LOC128706666: variants seen among roughly 807,000 people sequenced by gnomAD.
At chr20:10,426,003 G>C in the LOC128706666 span, among the ~76,000 whole-genome samples, 1 of 152,152 alleles carries the variant, frequency 6.6e-6, no homozygotes, top group South Asian at 2.1e-4. Context: ...CTTTTGTTAA[G>C]TTTAGAAAAA....
the LOC128706666 span, among the ~76,000 whole-genome samples, chr20:10,425,648 A>G: frequency 1.1e-4 from 16 of 152,230 alleles, no homozygotes; most frequent in African/African-American, 3.9e-4. Flanking sequence ...ACTGTCTTGT[A>G]GAGATTCTGA....
At chr20:10,426,614 G>A in the LOC128706666 span, among the ~76,000 whole-genome samples, 1 of 152,176 alleles carries the variant, frequency 6.6e-6, no homozygotes, top group Non-Finnish European at 1.5e-5. Flanking sequence ...GCCCAGGCTG[G>A]TCTCAACTCC....
the LOC128706666 span, among the ~76,000 whole-genome samples, chr20:10,428,628 C>T: frequency 2.0e-5 from 3 of 152,124 alleles, no homozygotes. Context: ...CACTTGAGGT[C>T]AGGATTTTGA....
chr20:10,423,003 GC>G, the LOC128706666 span, among the ~76,000 whole-genome samples: 1 of 151,954 alleles, frequency 6.6e-6, no homozygotes, highest in African/African-American at 2.4e-5. Flanking sequence ...GAGCCACTGC[GC>G]CCGGCCCTTC....
At chr20:10,421,689 C>T in the LOC128706666 span, among the ~76,000 whole-genome samples, 5 of 152,140 alleles carry the variant, frequency 3.3e-5, no homozygotes, top group Non-Finnish European at 7.4e-5. Context: ...CACTAGAAAA[C>T]CCTAACTTAC....
At chr20:10,427,516 T>G in the LOC128706666 span, among the ~76,000 whole-genome samples, 1 of 152,230 alleles carries the variant, frequency 6.6e-6, no homozygotes, top group East Asian at 1.9e-4. Context: ...AATGACAATG[T>G]TGGCTTTAGG....
At chr20:10,414,063 A>C in the LOC128706666 span, 1 of 372,512 alleles carries the variant, frequency 2.7e-6, no homozygotes, top group African/African-American at 2.1e-5. Context: ...AAACGTCCAG[A>C]AAATGAGAAA....
chr20:10,419,608 A>G, the LOC128706666 span, among the ~76,000 whole-genome samples: 1 of 152,152 alleles, frequency 6.6e-6, no homozygotes, highest in African/African-American at 2.4e-5. Flanking sequence ...ATAAAGTTCA[A>G]TTTATAAATT....
chr20:10,423,973 T>C, the LOC128706666 span, among the ~76,000 whole-genome samples: 1 of 149,794 alleles, frequency 6.7e-6, no homozygotes, highest in South Asian at 2.2e-4. Context: ...ATATCTCATA[T>C]ATTGATTTGG....
the LOC128706666 span, among the ~76,000 whole-genome samples, chr20:10,430,191 G>C: frequency 6.6e-6 from 1 of 152,176 alleles, no homozygotes; most frequent in Non-Finnish European, 1.5e-5. Flanking sequence ...TTTTCAGAAA[G>C]TCAAGCACTT....
chr20:10,415,853 G>C, the LOC128706666 span, among the ~76,000 whole-genome samples: 2 of 152,116 alleles, frequency 1.3e-5, no homozygotes, highest in Admixed American at 1.3e-4. Flanking sequence ...CTTTTGGCTA[G>C]TATTTCATTA....
the LOC128706666 span, among the ~76,000 whole-genome samples, chr20:10,416,323 G>C: frequency 6.6e-6 from 1 of 151,662 alleles, no homozygotes; most frequent in Admixed American, 6.6e-5. Flanking sequence ...ATGATTATAG[G>C]TATGAGGTAA....
the LOC128706666 span, chr20:10,420,793 C>T: frequency 6.6e-6 from 1 of 152,348 alleles, no homozygotes; most frequent in East Asian, 1.9e-4. Context: ...AAAAAAACCA[C>T]TAAAACCCAT....
At chr20:10,415,424 T>A in the LOC128706666 span, among the ~76,000 whole-genome samples, 34 of 152,326 alleles carry the variant, frequency 2.2e-4, no homozygotes, top group African/African-American at 7.5e-4. Flanking sequence ...TTGGTTACCA[T>A]TCCCAATTTA....
the LOC128706666 span, among the ~76,000 whole-genome samples, chr20:10,416,875 G>A: frequency 1.3e-5 from 2 of 152,158 alleles, no homozygotes; most frequent in Non-Finnish European, 2.9e-5. Flanking sequence ...ATTAATTTGT[G>A]TACTGTGTAT....
At chr20:10,427,363 T>C in the LOC128706666 span, among the ~76,000 whole-genome samples, 1 of 152,130 alleles carries the variant, frequency 6.6e-6, no homozygotes, top group East Asian at 1.9e-4. Context: ...TTTGAAAAAA[T>C]TGTAATTTTT....
the LOC128706666 span, among the ~76,000 whole-genome samples, chr20:10,433,007 TTTTA>T: frequency 2.1e-4 from 32 of 152,242 alleles, no homozygotes; most frequent in African/African-American, 7.0e-4. Flanking sequence ...CCCAGAATGT[TTTTA>T]TTTATTTATT....
chr20:10,417,095 C>CA, the LOC128706666 span, among the ~76,000 whole-genome samples: 1 of 151,712 alleles, frequency 6.6e-6, no homozygotes. Flanking sequence ...TAAAAAAATA[C>CA]AAAAAACTAG....
the LOC128706666 span, among the ~76,000 whole-genome samples, chr20:10,421,389 A>T: frequency 6.6e-6 from 1 of 150,432 alleles, no homozygotes; most frequent in Non-Finnish European, 1.5e-5. Context: ...ATGCCACTGC[A>T]CTAGGCAACA....
Sources: allele counts gnomAD v4.1 joint callset (sites outside exome capture counted in the v4.1 genomes callset), GRCh38; gene constraint gnomAD v4.1.1; transcripts MANE v1.5.